Variants in SPTLC2 observed in about 807,000 individuals in gnomAD.
The protein encoded by SPTLC2 is serine palmitoyltransferase long chain base subunit 2.
A neutral mutation model predicts 62.0 loss-of-function variants in SPTLC2; 21 were observed. The observed-to-expected ratio is 0.34, with a 90% CI of 0.24 to 0.49. The LOEUF is 0.49. Ranked by LOEUF, SPTLC2 falls within the 20% of genes least tolerant of loss-of-function variation. The pLI is 0.99. For missense variants in SPTLC2, 511 were observed against 713.0 expected (o/e 0.72, Z 3.23); for synonymous variants, 261 against 261.8 (o/e 1.00, Z 0.03).
chr14:77,534,036 T>C (rs969769508), intron 9 of SPTLC2, among the ~76,000 whole-genome samples: 6 of 152,008 alleles, frequency 3.9e-5, no homozygotes, highest in Admixed American at 3.9e-4. Context: ...CGCACGCCTG[T>C]GGTCCCAACT....
At chr14:77,584,813 T>G (rs77922925) in intron 2 of SPTLC2, among the ~76,000 whole-genome samples, 4,108 of 146,856 alleles carry the variant, frequency 0.028, 187 homozygotes, top group African/African-American at 0.11. Context: ...ACACACACAC[T>G]TAGGAGATGG....
chr14:77,590,350 C>T (rs1566789236), intron 2 of SPTLC2, among the ~76,000 whole-genome samples: 1 of 152,132 alleles, frequency 6.6e-6, no homozygotes, highest in African/African-American at 2.4e-5. Flanking sequence ...GAGTAGTAAA[C>T]AAAAAGGTAA....
intron 1 of SPTLC2, among the ~76,000 whole-genome samples, chr14:77,602,063 G>A (rs1162900323): frequency 6.6e-6 from 1 of 151,972 alleles, no homozygotes; most frequent in Non-Finnish European, 1.5e-5. Flanking sequence ...CGCCTGCTTT[G>A]GCTGCTCCCC....
intron 9 of SPTLC2, among the ~76,000 whole-genome samples, chr14:77,528,238 C>G (rs1273731449): frequency 6.7e-6 from 1 of 148,974 alleles, no homozygotes; most frequent in Non-Finnish European, 1.5e-5. Context: ...TTTTCCTCTT[C>G]TTTTTTTTTT....
At chr14:77,572,351 A>T (rs963926927) in intron 4 of SPTLC2, among the ~76,000 whole-genome samples, 3 of 152,238 alleles carry the variant, frequency 2.0e-5, no homozygotes, top group African/African-American at 7.2e-5. Flanking sequence ...GACATCTGTA[A>T]TTCTGAACAC....
intron 2 of SPTLC2, among the ~76,000 whole-genome samples, chr14:77,594,181 T>C (rs2079833703): frequency 6.6e-6 from 1 of 152,214 alleles, no homozygotes; most frequent in African/African-American, 2.4e-5. Flanking sequence ...AATCTAAGTA[T>C]TATTTACTTG....
At chr14:77,596,510 TAAACAAAC>T (rs35256162) in intron 2 of SPTLC2, among the ~76,000 whole-genome samples, 5 of 150,870 alleles carry the variant, frequency 3.3e-5, no homozygotes, top group Non-Finnish European at 7.4e-5. Flanking sequence ...TCTCAAAAAA[TAAACAAAC>T]AAACAAACAA....
chr14:77,599,027 C>T (rs921601612), intron 1 of SPTLC2, among the ~76,000 whole-genome samples: 2 of 152,156 alleles, frequency 1.3e-5, no homozygotes, highest in East Asian at 1.9e-4. Context: ...TTTCTGTCCC[C>T]CTTCATCTTA....
intron 10 of SPTLC2, among the ~76,000 whole-genome samples, chr14:77,519,826 AT>A (rs1388375870): frequency 1.3e-5 from 2 of 152,064 alleles, no homozygotes; most frequent in African/African-American, 4.8e-5. Flanking sequence ...GGTGCCCTGT[AT>A]CTTCAGCACA....
intron 9 of SPTLC2, among the ~76,000 whole-genome samples, chr14:77,539,208 C>T (rs1415767940): frequency 6.6e-6 from 1 of 151,606 alleles, no homozygotes; most frequent in African/African-American, 2.4e-5. Context: ...AAGGCCTATT[C>T]TTCTATCATC....
chr14:77,580,554 G>GAAAAAA (rs11322822), intron 2 of SPTLC2, among the ~76,000 whole-genome samples: 2 of 129,384 alleles, frequency 1.5e-5, no homozygotes, highest in African/African-American at 2.9e-5. Flanking sequence ...TTTTAAAAAA[G>GAAAAAA]AAAAAAAAAA....
intron 2 of SPTLC2, among the ~76,000 whole-genome samples, chr14:77,583,776 A>T (rs1026812545): frequency 6.6e-6 from 1 of 152,186 alleles, no homozygotes; most frequent in Admixed American, 6.5e-5. Flanking sequence ...GTGGAGAAAC[A>T]CACAAATAAA....
At chr14:77,615,608 A>G (rs1033348308) in intron 1 of SPTLC2, among the ~76,000 whole-genome samples, 5 of 152,270 alleles carry the variant, frequency 3.3e-5, no homozygotes, top group Non-Finnish European at 7.3e-5. Flanking sequence ...TTTCAACAGA[A>G]TATCTGTCAG....
intron 9 of SPTLC2, among the ~76,000 whole-genome samples, chr14:77,535,259 G>A (rs34359219): frequency 0.17 from 26,080 of 152,042 alleles, 2,548 homozygotes; most frequent in East Asian, 0.31. Flanking sequence ...GCCAAGACCC[G>A]GAGCAAAAAG....
At chr14:77,596,988 A>T (rs558080966) in intron 2 of SPTLC2, among the ~76,000 whole-genome samples, 198 bp downstream of exon 2, 1 of 152,344 alleles carries the variant, frequency 6.6e-6, no homozygotes, top group Admixed American at 6.5e-5. Flanking sequence ...CTTCTTGATT[A>T]AACCCATGAT....
intron 3 of SPTLC2, among the ~76,000 whole-genome samples, chr14:77,577,875 G>A (rs539097307): frequency 6.6e-6 from 1 of 152,280 alleles, no homozygotes; most frequent in African/African-American, 2.4e-5. Flanking sequence ...ACTCCAGCCT[G>A]GGTGACAGAG....
chr14:77,525,354 G>A (rs1043426079), intron 9 of SPTLC2, among the ~76,000 whole-genome samples: 1 of 152,058 alleles, frequency 6.6e-6, no homozygotes, highest in African/African-American at 2.4e-5. Context: ...CACTTTGGGA[G>A]GCCCAGACAG....
chr14:77,589,317 G>C (rs1459357206), intron 2 of SPTLC2, among the ~76,000 whole-genome samples: 1 of 152,060 alleles, frequency 6.6e-6, no homozygotes, highest in Non-Finnish European at 1.5e-5. Context: ...AGCGCAGAAT[G>C]AGATTTCAAG....
At chr14:77,540,127 C>T (rs1165544527) in intron 9 of SPTLC2, among the ~76,000 whole-genome samples, 1 of 139,944 alleles carries the variant, frequency 7.1e-6, no homozygotes, top group African/African-American at 2.7e-5. Flanking sequence ...ACCTGGGAGG[C>T]GGAGGTTGCG....
Sources: allele counts gnomAD v4.1 joint callset (sites outside exome capture counted in the v4.1 genomes callset), GRCh38; gene constraint gnomAD v4.1.1; transcripts MANE v1.5; gene names NCBI Gene and HGNC (gene_info 2026-07-23, HGNC 2026-07-21).